The following NEGR1 variants were observed in gnomAD, a reference collection of about 807,000 sequenced individuals.
The protein encoded by NEGR1 is neuronal growth regulator 1, also known as IgLON family member 4.
Under a neutral mutation model 40.9 loss-of-function variants are expected in NEGR1, and 10 were observed. The observed-to-expected ratio is 0.24, with a 90% CI of 0.15 to 0.42. The LOEUF (loss-of-function observed/expected upper bound fraction) is 0.42. NEGR1 is among the 10% of genes least tolerant of loss of function. The pLI is 1.00. For missense variants in NEGR1, 352 were observed against 438.9 expected (o/e 0.80, Z 1.77); for synonymous variants, 185 against 166.8 (o/e 1.11, Z -0.84).
chr1:72,281,007 T>C (rs1656221946), intron 1 of NEGR1, among the ~76,000 whole-genome samples: 1 of 152,148 alleles, frequency 6.6e-6, no homozygotes, highest in Admixed American at 6.5e-5. Flanking sequence ...AGATCTAAGC[T>C]TTGCTGATCA....
chr1:71,933,648 G>A (rs1208311288), intron 2 of NEGR1, among the ~76,000 whole-genome samples: 6 of 151,904 alleles, frequency 3.9e-5, no homozygotes, highest in Non-Finnish European at 7.4e-5. Context: ...CCCACCCTCT[G>A]GAGTCCCTGA....
intron 6 of NEGR1, among the ~76,000 whole-genome samples, chr1:71,409,809 T>G (rs1428622153): frequency 3.9e-5 from 6 of 152,004 alleles, no homozygotes; most frequent in South Asian, 2.1e-4. Flanking sequence ...ATAATCAAAA[T>G]GAGTATTTCT....
intron 1 of NEGR1, among the ~76,000 whole-genome samples, chr1:72,252,136 G>C (rs986586954): frequency 2.3e-5 from 3 of 131,698 alleles, no homozygotes; most frequent in African/African-American, 4.4e-5. Flanking sequence ...ACAGAGTTTT[G>C]CTCTTGTTTT....
chr1:71,933,000 A>T (rs1234154301), intron 2 of NEGR1, among the ~76,000 whole-genome samples: 3 of 152,170 alleles, frequency 2.0e-5, no homozygotes, highest in African/African-American at 7.2e-5. Flanking sequence ...ACTTCTAATA[A>T]GTAATTATGT....
intron 2 of NEGR1, among the ~76,000 whole-genome samples, chr1:71,800,803 A>G (rs1657528210): frequency 6.6e-6 from 1 of 152,146 alleles, no homozygotes; most frequent in Non-Finnish European, 1.5e-5. Context: ...GTTTTACCTT[A>G]ATTAGATCAT....
chr1:71,419,569 T>C (rs796636640), intron 6 of NEGR1, among the ~76,000 whole-genome samples: 4 of 152,270 alleles, frequency 2.6e-5, no homozygotes, highest in African/African-American at 9.6e-5. Context: ...TCCTCATAGA[T>C]TTTATCCCAG....
intron 1 of NEGR1, among the ~76,000 whole-genome samples, chr1:72,194,460 C>T (rs115161247): frequency 6.6e-6 from 1 of 151,942 alleles, no homozygotes; most frequent in Non-Finnish European, 1.5e-5. Flanking sequence ...AGCAAACATG[C>T]TCAGGAAAGT....
At chr1:72,244,661 G>T (rs976987588) in intron 1 of NEGR1, among the ~76,000 whole-genome samples, 10 of 151,876 alleles carry the variant, frequency 6.6e-5, no homozygotes, top group African/African-American at 2.4e-4. Context: ...TTCCCCGGGG[G>T]ACATATAGAG....
chr1:71,816,479 T>C (rs1658217168), intron 2 of NEGR1, among the ~76,000 whole-genome samples: 1 of 152,020 alleles, frequency 6.6e-6, no homozygotes, highest in South Asian at 2.1e-4. Flanking sequence ...AGGCATGTCT[T>C]AGGTGGCAGT....
intron 6 of NEGR1, among the ~76,000 whole-genome samples, chr1:71,457,463 C>A (rs1391534614): frequency 6.6e-6 from 1 of 152,132 alleles, no homozygotes; most frequent in African/African-American, 2.4e-5. Context: ...AGTCATTCAT[C>A]GCATGTTTGT....
chr1:72,058,489 A>C (rs970669172), intron 1 of NEGR1, among the ~76,000 whole-genome samples: 1 of 151,674 alleles, frequency 6.6e-6, no homozygotes, highest in African/African-American at 2.4e-5. Context: ...ATAGCAGTAC[A>C]TTTTGAAAAT....
chr1:71,903,373 A>C (rs889792496), intron 2 of NEGR1, among the ~76,000 whole-genome samples: 6 of 152,024 alleles, frequency 3.9e-5, no homozygotes, highest in African/African-American at 1.4e-4. Flanking sequence ...TTAAGGCAGA[A>C]ATTTTACTTT....
intron 1 of NEGR1, among the ~76,000 whole-genome samples, chr1:72,118,462 T>C (rs1193485843): frequency 6.6e-6 from 1 of 151,830 alleles, no homozygotes; most frequent in East Asian, 1.9e-4. Flanking sequence ...ACTTTATTCA[T>C]TTGGGTTGTG....
chr1:71,954,533 C>T (rs762879696), intron 1 of NEGR1, among the ~76,000 whole-genome samples: 1 of 151,352 alleles, frequency 6.6e-6, no homozygotes, highest in Non-Finnish European at 1.5e-5. Context: ...CATTCATATA[C>T]CTGAAAAAAA....
intron 6 of NEGR1, among the ~76,000 whole-genome samples, chr1:71,485,406 T>C (rs1208096680): frequency 6.6e-6 from 1 of 151,590 alleles, no homozygotes; most frequent in African/African-American, 2.4e-5. Context: ...AGTGGTACAT[T>C]TGTTACAATT....
chr1:71,877,503 C>T (rs534298481), intron 2 of NEGR1, among the ~76,000 whole-genome samples: 1 of 152,132 alleles, frequency 6.6e-6, no homozygotes, highest in African/African-American at 2.4e-5. Flanking sequence ...ACCTGATTTC[C>T]TCCTCTAATA....
chr1:72,136,026 A>G (rs1252519316), intron 1 of NEGR1, among the ~76,000 whole-genome samples: 2 of 152,214 alleles, frequency 1.3e-5, no homozygotes, highest in African/African-American at 4.8e-5. Context: ...TAACTAAAGT[A>G]CTTCTAATAA....
At chr1:71,708,459 TC>T (rs1291169327) in intron 3 of NEGR1, among the ~76,000 whole-genome samples, 1 of 151,852 alleles carries the variant, frequency 6.6e-6, no homozygotes, top group Non-Finnish European at 1.5e-5. Context: ...GCAATCCCTA[TC>T]AAAATACCAA....
At chr1:71,728,345 G>T (rs12563112) in intron 3 of NEGR1, among the ~76,000 whole-genome samples, 6 of 152,122 alleles carry the variant, frequency 3.9e-5, no homozygotes, top group African/African-American at 1.2e-4. Context: ...GTAACTGGAA[G>T]GGTAAATTAG....
Sources: gnomAD v4.1 joint callset for allele counts (sites outside exome capture counted in the v4.1 genomes callset) on GRCh38, gnomAD v4.1.1 for gene constraint, MANE v1.5 for transcripts, NCBI Gene and HGNC (gene_info 2026-07-23, HGNC 2026-07-21) for gene names.